The following SPATA17 variants were observed in gnomAD, a reference collection of about 807,000 sequenced individuals.
The protein encoded by SPATA17 is spermatogenesis-associated protein 17.
Under a neutral mutation model 62.2 loss-of-function variants are expected in SPATA17, and 53 were observed. The observed-to-expected ratio is 0.85, with a 90% CI of 0.68 to 1.07. SPATA17 has a LOEUF of 1.07. Ranked by LOEUF, SPATA17 falls within the 50% of genes least tolerant of loss-of-function variation. The pLI is 0.00. For synonymous variants in SPATA17, 146 were observed against 146.8 expected (o/e 0.99, Z 0.04); for missense variants, 466 against 425.5 (o/e 1.10, Z -0.84).
intron 5 of SPATA17, among the ~76,000 whole-genome samples, chr1:217,703,596 A>G (rs1671653933): frequency 6.6e-6 from 1 of 152,080 alleles, no homozygotes; most frequent in Non-Finnish European, 1.5e-5. Context: ...ATGTCATGTT[A>G]TTTTATCACA....
intron 4 of SPATA17, among the ~76,000 whole-genome samples, chr1:217,678,935 G>A (rs996014853): frequency 4.7e-5 from 7 of 149,810 alleles, no homozygotes; most frequent in Admixed American, 1.3e-4. Flanking sequence ...TTTTGAAGTA[G>A]TAACCCGTTC....
intron 9 of SPATA17, among the ~76,000 whole-genome samples, chr1:217,852,748 G>A (rs1173134450): frequency 6.6e-6 from 1 of 152,152 alleles, no homozygotes; most frequent in African/African-American, 2.4e-5. Flanking sequence ...GTAACTTGAA[G>A]TGATCCTAGT....
At position 217,871,002 on chromosome 1, in the gene SPATA17, A is replaced by G. The variant is rs904970115; in HGVS notation, c.*3983A>G. On this transcript the variant is annotated 3_prime_UTR_variant, in exon 11 of 11. Transcript: ENST00000366933. ...AGCTAAGTCATTCTCATAAAACACC[A>G]TTTGTCATTTGAATGCGTGCATTGT... 6.6e-6 allele frequency: 1 copy of G among 152,130 alleles called. No homozygotes were observed. Among genetic ancestry groups the G allele is most frequent in the African/African-American group, 2.4e-5 (1 of 41,444 alleles). The allele number at this position is 152,130 out of a possible 1,614,324, so 9.4% of individuals were successfully genotyped here. A position where few individuals can be genotyped will look rare whatever the true frequency, so the allele number is the denominator to read the frequency against.
At chr1:217,786,775 TTC>T (rs1377578846) in intron 8 of SPATA17, among the ~76,000 whole-genome samples, 1 of 140,022 alleles carries the variant, frequency 7.1e-6, no homozygotes, top group Admixed American at 6.9e-5. Context: ...CTTCTTCTTC[TTC>T]TTCTTCTTCT....
chr1:217,643,955 T>G (rs2102879118), intron 1 of SPATA17, among the ~76,000 whole-genome samples: 1 of 152,244 alleles, frequency 6.6e-6, no homozygotes, highest in East Asian at 1.9e-4. Context: ...CTTGAACTCC[T>G]GACCTCAGGT....
intron 8 of SPATA17, among the ~76,000 whole-genome samples, chr1:217,784,673 G>A (rs1207833068): frequency 1.3e-5 from 2 of 152,106 alleles, no homozygotes; most frequent in Admixed American, 1.3e-4. Flanking sequence ...TAATAAAAGA[G>A]AATTATTAAC....
intron 9 of SPATA17, among the ~76,000 whole-genome samples, chr1:217,809,255 G>T (rs1395755262): frequency 6.6e-6 from 1 of 152,044 alleles, no homozygotes; most frequent in East Asian, 1.9e-4. Flanking sequence ...AGAAACACTA[G>T]TAATTCCAAG....
Position 217,862,789 on chromosome 1 carries a change from T to A in SPATA17, c.1021T>A (p.Leu341Ile). ...WICDKDFQTV[L>I]PSFELFSKYG... ...TTCCTCCTAGGATTTCCAGACTGTA[T>A]TACCATCATTTGAGCTCTTCTCAAA... Residue 341 changes from leucine to isoleucine, a missense_variant, in exon 10 of 11, where the codon TTA (leucine) becomes ATA (isoleucine). Coordinates refer to ENST00000366933, the MANE Select transcript of SPATA17 (RefSeq NM_138796.4). 2.5e-6 allele frequency: 4 copies of A among 1,610,228 alleles called. No homozygotes were observed. The highest frequency in any genetic ancestry group is 3.4e-6 in the Non-Finnish European group (4 of 1,177,750).
Position 217,867,859 on chromosome 1 carries a change from C to T in SPATA17, c.*840C>T, listed in dbSNP as rs1206944395. The T allele has an allele frequency of 1.3e-5, 2 of 152,092 alleles. No homozygotes were observed. The highest frequency in any genetic ancestry group is 4.8e-5 in the African/African-American group (2 of 41,388). The allele number at this position is 152,092 out of a possible 1,614,324, so 9.4% of individuals were successfully genotyped here. Reference sequence around the variant, plus strand: ...TGTTTCTTGCATCTGAAGAGAATAACACTAAACTTATTGCATATGATTTGG... The same window carrying T: ...TGTTTCTTGCATCTGAAGAGAATAATACTAAACTTATTGCATATGATTTGG... On this transcript the variant is annotated 3_prime_UTR_variant, in exon 11 of 11. Transcript: ENST00000366933.
At chr1:217,750,258 A>G (rs1486961062) in intron 6 of SPATA17, among the ~76,000 whole-genome samples, 1 of 151,944 alleles carries the variant, frequency 6.6e-6, no homozygotes, top group Non-Finnish European at 1.5e-5. Context: ...GAAAATTGAT[A>G]GATTGTGAAC....
intron 10 of SPATA17, among the ~76,000 whole-genome samples, chr1:217,863,797 A>G (rs1007236341): frequency 6.6e-6 from 1 of 152,194 alleles, no homozygotes; most frequent in Non-Finnish European, 1.5e-5. Context: ...AGCCAAATTT[A>G]AAGAATGTAT....
chr1:217,862,832 C>T lies in SPATA17; in HGVS notation c.1064C>T (p.Ser355Leu). 6.2e-7 allele frequency: 1 copy of T among 1,608,372 alleles called. No homozygotes were observed. Among genetic ancestry groups the T allele is most frequent in the Non-Finnish European group, 8.5e-7 (1 of 1,176,632 alleles). ...TTCTCAAAGTATGGAAAATTATATT[C>T]AAAAGCTGGACAGATTGTATAAAGG... Reference protein sequence around the residue: ...ELFSKYGKLYSKAGQIV With the variant: ...ELFSKYGKLYLKAGQIV The change falls in exon 10 of 11, where the codon TCA becomes TTA. Residue 355 changes from serine (S) to leucine (L), a missense_variant. Physicochemically the swap from Ser to Leu is moderately radical, Grantham distance 145. Coordinates refer to ENST00000366933, the MANE Select transcript of SPATA17 (RefSeq NM_138796.4).
rs138557387 is a variant in SPATA17 at position 217,792,256 on chromosome 1, C to T, written c.873-9462C>T. Among the ~76,000 whole-genome samples, 1,014 of 152,196 alleles carry T rather than the reference C, an allele frequency of 6.7e-3. 12 individuals carry two copies. The highest frequency in any genetic ancestry group is 6.0e-3 in the Non-Finnish European group (410 of 68,014). On this transcript the variant is annotated intron_variant, in intron 8 of 10. Coordinates refer to ENST00000366933, the MANE Select transcript of SPATA17 (RefSeq NM_138796.4). ...GCACAGATGCATTTAGGATCACTGT[C>T]TCAGAGCTTTCTTACTCGCAAAGAA...
chr1:217,757,551 T>C (rs532589554), intron 6 of SPATA17, among the ~76,000 whole-genome samples: 1 of 152,276 alleles, frequency 6.6e-6, no homozygotes, highest in East Asian at 1.9e-4. Context: ...CACTCCTTCT[T>C]CCTTGACATA....
At chr1:217,814,236 A>C (rs1674662358) in intron 9 of SPATA17, among the ~76,000 whole-genome samples, 1 of 152,220 alleles carries the variant, frequency 6.6e-6, no homozygotes, top group Non-Finnish European at 1.5e-5. Flanking sequence ...ATTTTTACAA[A>C]GAAGCATGGT....
At chr1:217,660,858 T>C (rs1428405261) in intron 3 of SPATA17, among the ~76,000 whole-genome samples, 1 of 152,208 alleles carries the variant, frequency 6.6e-6, no homozygotes, top group African/African-American at 2.4e-5. Context: ...TTGATAGTTA[T>C]AATGATAACA....
At chr1:217,809,758 A>G (rs1674538456) in intron 9 of SPATA17, among the ~76,000 whole-genome samples, 1 of 152,176 alleles carries the variant, frequency 6.6e-6, no homozygotes, top group Non-Finnish European at 1.5e-5. Flanking sequence ...TCAAATTTCA[A>G]CATGAGTTTT....
At chr1:217,792,151 C>T (rs2102982539) in intron 8 of SPATA17, among the ~76,000 whole-genome samples, 1 of 152,220 alleles carries the variant, frequency 6.6e-6, no homozygotes, top group East Asian at 1.9e-4. Context: ...GCCCACGGCG[C>T]ATGGGTTAGA....
intron 5 of SPATA17, among the ~76,000 whole-genome samples, chr1:217,689,124 T>C (rs1671290653): frequency 6.6e-6 from 1 of 152,066 alleles, no homozygotes; most frequent in South Asian, 2.1e-4. Flanking sequence ...GATACAATGA[T>C]TAACACGGTA....
Sources: allele counts gnomAD v4.1 joint callset (sites outside exome capture counted in the v4.1 genomes callset), GRCh38; gene constraint gnomAD v4.1.1; transcripts MANE v1.5; gene names NCBI Gene and HGNC (gene_info 2026-07-23, HGNC 2026-07-21).